BCL2L15: variants seen among roughly 807,000 people sequenced by gnomAD.
BCL2L15 encodes bcl-2-like protein 15.
In BCL2L15, 15 loss-of-function variants were observed where a neutral mutation model predicts 18.3. That is an observed-to-expected ratio of 0.82 (90% CI 0.55 to 1.26). The LOEUF (loss-of-function observed/expected upper bound fraction) is 1.26, where lower values mean the gene tolerates loss of function less well. Ranked by LOEUF, BCL2L15 falls within the 50% of genes most tolerant of loss-of-function variation. The pLI is 0.00. For synonymous variants in BCL2L15, 58 were observed against 68.5 expected, an observed-to-expected ratio of 0.85 and a Z score of 0.76; for missense variants, 180 against 201.7, an observed-to-expected ratio of 0.89 and a Z score of 0.65.
intron 2 of BCL2L15, among the ~76,000 whole-genome samples, chr1:113,883,308 C>A (rs1319687922): frequency 1.3e-5 from 2 of 152,082 alleles, no homozygotes; most frequent in Non-Finnish European, 2.9e-5. Flanking sequence ...TAGTGAAACC[C>A]CGTCTCTACT....
intron 2 of BCL2L15, among the ~76,000 whole-genome samples, chr1:113,883,076 AT>A (rs1487406434): frequency 1.3e-5 from 2 of 151,980 alleles, no homozygotes; most frequent in African/African-American, 4.8e-5. Flanking sequence ...ATCTGTGGGG[AT>A]TTAGGGGGGC....
Position 113,879,871 on chromosome 1 carries a change from G to C in BCL2L15, c.*1252C>G, listed in dbSNP as rs1666817489. Reference sequence around the variant, plus strand: ...ATTTACAAAATAAGACAGCAAGCCAGATTTGACGCGTGGGTTGTAATTTAT... The same window carrying C: ...ATTTACAAAATAAGACAGCAAGCCACATTTGACGCGTGGGTTGTAATTTAT... On this transcript the variant is annotated 3_prime_UTR_variant, in exon 4 of 4. Coordinates refer to ENST00000393316, the MANE Select transcript of BCL2L15 (RefSeq NM_001010922.3). 1.3e-5 allele frequency: 2 copies of C among 152,218 alleles called. No homozygotes were observed. Among genetic ancestry groups the C allele is most frequent in the Admixed American group, 1.3e-4 (2 of 15,276 alleles). The allele number at this position is 152,218 out of a possible 1,614,324, so 9.4% of individuals were successfully genotyped here.
At chr1:113,886,693 G>A (rs1381083047) in intron 1 of BCL2L15, 35 bp from the exon 2 acceptor site, 1 of 1,555,960 alleles carries the variant, frequency 6.4e-7, no homozygotes, top group Admixed American at 2.2e-5. Context: ...TACAATGCTT[G>A]AAGCAATGGC....
Position 113,879,313 on chromosome 1 carries a change from A to G in BCL2L15, c.*1810T>C, listed in dbSNP as rs904159115. 6.6e-6 allele frequency: 1 copy of G among 152,390 alleles called. No individual in the cohort carries two copies. Among genetic ancestry groups the G allele is most frequent in the Non-Finnish European group, 1.5e-5 (1 of 68,054 alleles). 9.4% of individuals were successfully genotyped at this position (152,390 alleles called of 1,614,324 possible). A position where few individuals can be genotyped will look rare whatever the true frequency, so the allele number is the denominator to read the frequency against. ...GCTGCTTTTCATGAATCACTGTAGC[A>G]ATGCCTTTCTTCTTGATATTTAGGA... On this transcript the variant is annotated 3_prime_UTR_variant, in exon 4 of 4. Coordinates refer to ENST00000393316, the MANE Select transcript of BCL2L15 (RefSeq NM_001010922.3).
At chr1:113,887,113 A>T in intron 1 of BCL2L15, 136 bp downstream of exon 1, 1 of 751,160 alleles carries the variant, frequency 1.3e-6, no homozygotes, top group East Asian at 2.8e-5. Flanking sequence ...GGCCAGGCGG[A>T]TCTCAAACCC....
chr1:113,882,680 C>T (rs757393424), intron 2 of BCL2L15, among the ~76,000 whole-genome samples: 7 of 150,188 alleles, frequency 4.7e-5, no homozygotes, highest in Middle Eastern at 3.7e-3. Context: ...GGTTCACACC[C>T]GTAATCCCAA....
intron 2 of BCL2L15, 87 bp from the exon 3 acceptor site, chr1:113,882,084 T>C: frequency 9.7e-7 from 1 of 1,026,018 alleles, no homozygotes; most frequent in Non-Finnish European, 1.4e-6. Flanking sequence ...AAGCAATTGT[T>C]TCTTAGAGTG....
In BCL2L15 at chr1:113,876,905, T is replaced by C. The variant is rs1470492312; in HGVS notation, c.*4218A>G. Among the ~76,000 whole-genome samples, 1 of 152,198 alleles carries C rather than the reference T, an allele frequency of 6.6e-6. No homozygotes were observed. The highest frequency in any genetic ancestry group is 1.5e-5 in the Non-Finnish European group (1 of 68,020). Reference sequence around the variant, plus strand: ...GAAGAGGAGGGGTGTTACAGAAGTATACAACAAATTGTATCATTCAGCAAT... The same window carrying C: ...GAAGAGGAGGGGTGTTACAGAAGTACACAACAAATTGTATCATTCAGCAAT... On this transcript the variant is annotated 3_prime_UTR_variant, in exon 4 of 4. Coordinates refer to ENST00000393316, the MANE Select transcript of BCL2L15 (RefSeq NM_001010922.3).
At chr1:113,884,190 C>T (rs1361274937) in intron 2 of BCL2L15, among the ~76,000 whole-genome samples, 2 of 152,202 alleles carry the variant, frequency 1.3e-5, no homozygotes, top group Non-Finnish European at 2.9e-5. Flanking sequence ...AAGTTAACAA[C>T]ATCAATACTG....
chr1:113,884,492 G>A (rs1326068426), intron 2 of BCL2L15, among the ~76,000 whole-genome samples: 1 of 152,118 alleles, frequency 6.6e-6, no homozygotes, highest in Non-Finnish European at 1.5e-5. Context: ...ACATTATCGG[G>A]ACAAATGGCA....
Position 113,878,474 on chromosome 1 carries a change from G to A in BCL2L15, c.*2649C>T, listed in dbSNP as rs926908374. 2 of 152,298 alleles carry A rather than the reference G, an allele frequency of 1.3e-5. No homozygotes were observed. The highest frequency in any genetic ancestry group is 2.1e-4 in the South Asian group (1 of 4,832). 9.4% of individuals were successfully genotyped at this position (152,298 alleles called of 1,614,324 possible). On this transcript the variant is annotated 3_prime_UTR_variant, in exon 4 of 4. Transcript: ENST00000393316. ...AACGCATTTGCCTAGTATAATCCCC[G>A]TGGGCACCATATCTTCAAATCTCAA...
chr1:113,880,752 T>A lies in BCL2L15; in HGVS notation c.*371A>T. Reference sequence around the variant, plus strand: ...AAGAAATAGTTTCCATTGTTCTCCCTTTCTCTCAAAATACCTCCAGCAAAG... The same window carrying A: ...AAGAAATAGTTTCCATTGTTCTCCCATTCTCTCAAAATACCTCCAGCAAAG... On this transcript the variant is annotated 3_prime_UTR_variant, in exon 4 of 4. Coordinates refer to ENST00000393316, the MANE Select transcript of BCL2L15 (RefSeq NM_001010922.3). The A allele has an allele frequency of 4.7e-6, 1 of 213,124 alleles. No individual in the cohort carries two copies. The highest frequency in any genetic ancestry group is 1.2e-4 in the South Asian group (1 of 8,256). The allele number at this position is 213,124 out of a possible 1,614,324, so 13.2% of individuals were successfully genotyped here. A position where few individuals can be genotyped will look rare whatever the true frequency, so the allele number is the denominator to read the frequency against.
chr1:113,885,367 T>C (rs1040681446), intron 2 of BCL2L15, among the ~76,000 whole-genome samples: 1 of 152,214 alleles, frequency 6.6e-6, no homozygotes, highest in Admixed American at 6.5e-5. Flanking sequence ...CTGAACATAG[T>C]GTAGGCACAC....
chr1:113,880,845 A>G lies in BCL2L15; in HGVS notation c.*278T>C, dbSNP rs1666859211. ...CTTTGTGTCTAGGGGTCTTTGCTTCAACAGAACCTCATTAAAACTCATGTG... is the reference window on the plus strand; with the variant it reads ...CTTTGTGTCTAGGGGTCTTTGCTTCGACAGAACCTCATTAAAACTCATGTG... On this transcript the variant is annotated 3_prime_UTR_variant, in exon 4 of 4. Transcript: ENST00000393316. 2.0e-6 allele frequency: 1 copy of G among 495,242 alleles called. No homozygotes were observed. The highest frequency in any genetic ancestry group is 3.4e-5 in the Admixed American group (1 of 29,192). The allele number at this position is 495,242 out of a possible 1,614,324, so 30.7% of individuals were successfully genotyped here.
At position 113,877,250 on chromosome 1, in the gene BCL2L15, C is replaced by T. The variant is rs540177336; in HGVS notation, c.*3873G>A. The stretch of plus-strand genomic sequence containing the variant: ...CATGATTGATTAAGGCTATATAGGG[C>T]AGTTAGGGCCAGATACTGGGGGAAT... On this transcript the variant is annotated 3_prime_UTR_variant, in exon 4 of 4. Coordinates refer to ENST00000393316, the MANE Select transcript of BCL2L15 (RefSeq NM_001010922.3). 4.0e-5 allele frequency among the ~76,000 whole-genome samples: 6 copies of T among 150,520 alleles called. No individual in the cohort carries two copies. Among genetic ancestry groups the T allele is most frequent in the Admixed American group, 6.6e-5 (1 of 15,116 alleles).
chr1:113,881,218 A>G, intron 3 of BCL2L15, 78 bp from the exon 4 acceptor site: 9 of 1,601,040 alleles, frequency 5.6e-6, no homozygotes, highest in Non-Finnish European at 7.7e-6. Context: ...AATGATCTGC[A>G]GATAGCTCCA....
At chr1:113,881,271 G>A in intron 3 of BCL2L15, 131 bp from the exon 4 acceptor site, 1 of 1,353,988 alleles carries the variant, frequency 7.4e-7, no homozygotes. Context: ...CCCTGTAAAT[G>A]GAAAGGAGTG....
Position 113,877,581 on chromosome 1 carries a change from A to G in BCL2L15, c.*3542T>C, listed in dbSNP as rs1471950148. ...AATGCCCCCTTCTGATAAGATGTTT[A>G]AGTCTTGTAATCTTCATTGGTATGT... On this transcript the variant is annotated 3_prime_UTR_variant, in exon 4 of 4. Coordinates refer to ENST00000393316, the MANE Select transcript of BCL2L15 (RefSeq NM_001010922.3). Among the ~76,000 whole-genome samples, 1 of 152,212 alleles carries G rather than the reference A, an allele frequency of 6.6e-6. No individual in the cohort carries two copies. The highest frequency in any genetic ancestry group is 2.4e-5 in the African/African-American group (1 of 41,460).
rs1666892873 is a variant in BCL2L15, at chr1:113,882,003, G to A, written c.250-6C>T. On this transcript the variant is annotated splice_polypyrimidine_tract_variant and splice_region_variant and intron_variant, in intron 2 of 3. Transcript: ENST00000393316. ...TCCTGGAGTATAGCTCCTGTCTGAG[G>A]AAAGACAAAGGAAACATCAACAGAG... 5 of 1,609,398 alleles carry A rather than the reference G, an allele frequency of 3.1e-6. No homozygotes were observed. The highest frequency in any genetic ancestry group is 2.2e-5 in the East Asian group (1 of 44,760).
Sources: gnomAD v4.1 joint callset for allele counts (sites outside exome capture counted in the v4.1 genomes callset) on GRCh38, gnomAD v4.1.1 for gene constraint, MANE v1.5 for transcripts, NCBI Gene and HGNC (gene_info 2026-07-23, HGNC 2026-07-21) for gene names.